The following RAB11FIP3 variants were observed in gnomAD, a reference collection of about 807,000 sequenced individuals.
The protein encoded by RAB11FIP3 is rab11 family-interacting protein 3.
In RAB11FIP3, 17 loss-of-function variants were observed where a neutral mutation model predicts 77.8. The ratio of observed to expected loss-of-function variants is 0.22; its 90% confidence interval spans 0.15 to 0.33. The LOEUF is 0.33. Among genes scored for constraint, RAB11FIP3 ranks in the 10% least tolerant of loss-of-function variants. The probability of loss-of-function intolerance (pLI) is 1.00; values close to 1 mark genes in which losing one functional copy is unlikely to be tolerated. For synonymous variants in RAB11FIP3, 437 were observed against 448.2 expected (o/e 0.98, Z 0.31); for missense variants, 1,005 against 1,011.2 (o/e 0.99, Z 0.08).
intron 1 of RAB11FIP3, among the ~76,000 whole-genome samples, chr16:427,512 G>T (rs2054968855): frequency 6.6e-6 from 1 of 152,246 alleles, no homozygotes; most frequent in South Asian, 2.1e-4. Context: ...CCAAGATGCA[G>T]TTGTTCCTGT....
Position 497,128 on chromosome 16 carries a change from G to C in RAB11FIP3, c.1301+269G>C, listed in dbSNP as rs187334616. ...CTTGTGTGTTCACTAAGGTCTGGAAGGGGCCGCCATCCCCAGATGTCTGCT... is the reference window on the plus strand; with the variant it reads ...CTTGTGTGTTCACTAAGGTCTGGAACGGGCCGCCATCCCCAGATGTCTGCT... On this transcript the variant is annotated intron_variant, in intron 6 of 13. Coordinates refer to ENST00000262305, the MANE Select transcript of RAB11FIP3 (RefSeq NM_014700.4). 7.6e-5 allele frequency: 46 copies of C among 605,726 alleles called. 2 individuals are homozygous for C. The highest frequency in any genetic ancestry group is 5.7e-5 in the Non-Finnish European group (22 of 387,446). The allele number at this position is 605,726 out of a possible 1,614,324, so 37.5% of individuals were successfully genotyped here. A position where few individuals can be genotyped will look rare whatever the true frequency, so the allele number is the denominator to read the frequency against.
At chr16:509,458 C>A (rs892876588) in intron 8 of RAB11FIP3, among the ~76,000 whole-genome samples, 1 of 152,250 alleles carries the variant, frequency 6.6e-6, no homozygotes, top group Admixed American at 6.5e-5. Context: ...TTCACTCCTG[C>A]GTGTGAGGCA....
At chr16:462,906 G>T (rs2055640229) in intron 2 of RAB11FIP3, among the ~76,000 whole-genome samples, 1 of 152,046 alleles carries the variant, frequency 6.6e-6, no homozygotes, top group African/African-American at 2.4e-5. Context: ...GTCTTCCCCA[G>T]CACCATCCCT....
At chr16:489,469 G>A (rs1291624783) in intron 5 of RAB11FIP3, among the ~76,000 whole-genome samples, 2 of 152,184 alleles carry the variant, frequency 1.3e-5, no homozygotes, top group African/African-American at 4.8e-5. Flanking sequence ...AATGTCCAGA[G>A]TCACTCTAGG....
At chr16:441,010 G>T (rs2055216184) in intron 1 of RAB11FIP3, among the ~76,000 whole-genome samples, 1 of 151,858 alleles carries the variant, frequency 6.6e-6, no homozygotes, top group African/African-American at 2.4e-5. Flanking sequence ...GTGCAATCTC[G>T]GCTCACTGCA....
intron 1 of RAB11FIP3, among the ~76,000 whole-genome samples, chr16:432,525 C>T (rs554225546): frequency 3.9e-4 from 59 of 150,540 alleles, no homozygotes; most frequent in African/African-American, 1.3e-3. Flanking sequence ...GTAATACATA[C>T]TTGATTATAG....
intron 9 of RAB11FIP3, among the ~76,000 whole-genome samples, chr16:516,060 C>A (rs940940919): frequency 4.6e-5 from 7 of 152,234 alleles, no homozygotes; most frequent in Admixed American, 3.3e-4. Flanking sequence ...CCCGTGGCCT[C>A]CCCGGCAGTG....
At chr16:452,010 G>A (rs540539425) in intron 1 of RAB11FIP3, among the ~76,000 whole-genome samples, 2 of 152,228 alleles carry the variant, frequency 1.3e-5, no homozygotes, top group African/African-American at 2.4e-5. Flanking sequence ...TTAGCTGGGC[G>A]TGATGGCAGG....
At chr16:519,089 C>G in intron 10 of RAB11FIP3, 65 bp downstream of exon 10, 4 of 1,501,084 alleles carry the variant, frequency 2.7e-6, no homozygotes, top group Non-Finnish European at 3.7e-6. Context: ...TGTGGGGCAG[C>G]TGAGGTAGCC....
At chr16:488,296 C>T (rs1476269857) in intron 4 of RAB11FIP3, among the ~76,000 whole-genome samples, 15 of 152,024 alleles carry the variant, frequency 9.9e-5, no homozygotes, top group Admixed American at 7.9e-4. Context: ...AGGAGAATGA[C>T]GTGAACCCGG....
rs1384930771 is a variant in RAB11FIP3, at chr16:505,360, C to T, written c.1396-164C>T. Among the ~76,000 whole-genome samples, 2 of 152,170 alleles carry T rather than the reference C, an allele frequency of 1.3e-5. No homozygotes were observed. The highest frequency in any genetic ancestry group is 2.9e-5 in the Non-Finnish European group (2 of 68,030). On this transcript the variant is annotated intron_variant, in intron 7 of 13. Coordinates refer to ENST00000262305, the MANE Select transcript of RAB11FIP3 (RefSeq NM_014700.4). The surrounding 1 kb of genome is among the most constrained non-coding windows in gnomAD (Gnocchi z 4.0). ...GACCCCGGCCCCATTAGGAGCTGCA[C>T]CTTTGTGGGTTTATGGGACAAGTTG...
At chr16:442,596 G>A in intron 1 of RAB11FIP3, among the ~76,000 whole-genome samples, 1 of 152,188 alleles carries the variant, frequency 6.6e-6, no homozygotes, top group East Asian at 1.9e-4. Flanking sequence ...TGGTCAGGCA[G>A]GGGTGAATTG....
At chr16:494,255 G>A (rs1233136495) in intron 5 of RAB11FIP3, among the ~76,000 whole-genome samples, 2 of 151,614 alleles carry the variant, frequency 1.3e-5, no homozygotes. Flanking sequence ...TGAAAGGTCA[G>A]TAGGTAAACT....
rs1190711277 is a variant in RAB11FIP3 at position 514,197 on chromosome 16, C to A, written c.1640+3397C>A. Among the ~76,000 whole-genome samples the A allele has an allele frequency of 1.3e-5, 2 of 152,248 alleles. No homozygotes were observed. Among genetic ancestry groups the A allele is most frequent in the African/African-American group, 4.8e-5 (2 of 41,458 alleles). On this transcript the variant is annotated intron_variant, in intron 9 of 13. Transcript: ENST00000262305. This position sits in a 1 kb window ranked among gnomAD's most constrained non-coding sequence, Gnocchi z 4.6. The stretch of plus-strand genomic sequence containing the variant: ...AGCTTCCTGGAGTGGCCACCAGGAA[C>A]CTTGTGGTTCTCAGGGCTGCTCAGG...
At chr16:488,280 G>A (rs1311676664) in intron 4 of RAB11FIP3, among the ~76,000 whole-genome samples, 1 of 152,118 alleles carries the variant, frequency 6.6e-6, no homozygotes, top group Non-Finnish European at 1.5e-5. Flanking sequence ...CTCGGGAGGT[G>A]GAGGCAGGAG....
Position 507,641 on chromosome 16 carries a change from G to A in RAB11FIP3, c.1499+2014G>A, listed in dbSNP as rs115912087. On this transcript the variant is annotated intron_variant, in intron 8 of 13. Transcript: ENST00000262305. The surrounding 1 kb of genome is among the most constrained non-coding windows in gnomAD (Gnocchi z 4.6). ...TGTGTGGTGTGAAGTCCACACTGCC[G>A]CCTGGCACCACCCACTGACCGTCTG... Among the ~76,000 whole-genome samples, 970 of 152,304 alleles carry A rather than the reference G, an allele frequency of 6.4e-3. 6 individuals are homozygous for A. The highest frequency in any genetic ancestry group is 0.021 in the African/African-American group (874 of 41,556).
At chr16:473,972 C>G (rs2055855362) in intron 3 of RAB11FIP3, among the ~76,000 whole-genome samples, 1 of 152,156 alleles carries the variant, frequency 6.6e-6, no homozygotes, top group Non-Finnish European at 1.5e-5. Context: ...GCGCCTCTTT[C>G]CCTTAGTGAA....
chr16:474,771 G>A, intron 3 of RAB11FIP3: 1 of 1,365,204 alleles, frequency 7.3e-7, no homozygotes, highest in East Asian at 2.7e-5. Context: ...AGCCCTGACT[G>A]ACTAACCGTT....
At position 471,456 on chromosome 16, in the gene RAB11FIP3, C is replaced by A; in HGVS notation, c.903+67C>A. On this transcript the variant is annotated intron_variant, in intron 3 of 13. Coordinates refer to ENST00000262305, the MANE Select transcript of RAB11FIP3 (RefSeq NM_014700.4). This position sits in a 1 kb window ranked among gnomAD's most constrained non-coding sequence, Gnocchi z 4.4. ...CCACCTCTTCCTTTATGCCCTACAG[C>A]TCGTGCCTCCTGCCTCCGGGCTGTC... 1 of 1,306,010 alleles carries A rather than the reference C, an allele frequency of 7.7e-7. No individual in the cohort carries two copies. The highest frequency in any genetic ancestry group is 1.1e-6 in the Non-Finnish European group (1 of 922,082). 80.9% of individuals were successfully genotyped at this position (1,306,010 alleles called of 1,614,324 possible). A position where few individuals can be genotyped will look rare whatever the true frequency, so the allele number is the denominator to read the frequency against.
Sources: gnomAD v4.1 joint callset for allele counts (sites outside exome capture counted in the v4.1 genomes callset) on GRCh38, gnomAD v4.1.1 for gene constraint, Gnocchi (gnomAD v3.1) non-coding constraint, MANE v1.5 for transcripts, NCBI Gene and HGNC (gene_info 2026-07-23, HGNC 2026-07-21) for gene names.